ABCC1: variants seen among roughly 807,000 people sequenced by gnomAD.
ABCC1 encodes ATP binding cassette subfamily C member 1 (ABCC1 blood group).
ABCC1 carries 83 observed loss-of-function variants against 172.9 expected under a neutral mutation model. The observed-to-expected ratio is 0.48, with a 90% confidence interval of 0.40 to 0.58. The LOEUF (loss-of-function observed/expected upper bound fraction) is 0.58, where lower values mean the gene tolerates loss of function less well. ABCC1 is among the 20% of genes least tolerant of loss of function. The pLI is 0.00. For missense variants in ABCC1, 1,817 were observed against 2,002.7 expected, an observed-to-expected ratio of 0.91 and a Z score of 1.77; for synonymous variants, 937 against 825.2, an observed-to-expected ratio of 1.14 and a Z score of -2.32.
chr16:16,051,346 T>C (rs2049420907), intron 10 of ABCC1, among the ~76,000 whole-genome samples: 1 of 151,972 alleles, frequency 6.6e-6, no homozygotes, highest in Non-Finnish European at 1.5e-5. Flanking sequence ...AAGTTATTTA[T>C]TTTTTTGTAG....
At chr16:16,002,375 A>G (rs989317804) in intron 1 of ABCC1, among the ~76,000 whole-genome samples, 1 of 152,198 alleles carries the variant, frequency 6.6e-6, no homozygotes, top group Non-Finnish European at 1.5e-5. Context: ...AGAGAGAGGA[A>G]CTGAGGGGAG....
intron 1 of ABCC1, among the ~76,000 whole-genome samples, chr16:16,004,947 G>T (rs1232790448): frequency 6.6e-6 from 1 of 152,014 alleles, no homozygotes; most frequent in African/African-American, 2.4e-5. Context: ...TTACAGGCAT[G>T]AGCCACCGCG....
chr16:16,032,538 G>A (rs2048594057), intron 5 of ABCC1, among the ~76,000 whole-genome samples: 1 of 152,120 alleles, frequency 6.6e-6, no homozygotes, highest in Admixed American at 6.6e-5. Context: ...ATGAACGAAT[G>A]AATGAAGTGG....
chr16:16,092,120 C>T (rs533247869), intron 19 of ABCC1, among the ~76,000 whole-genome samples: 2 of 152,330 alleles, frequency 1.3e-5, no homozygotes, highest in African/African-American at 4.8e-5. Flanking sequence ...CGCCTATAGG[C>T]CCAGCTACTG....
Position 16,074,467 on chromosome 16 carries a change from G to T in ABCC1, c.1913-1859G>T, listed in dbSNP as rs144728985. 2.1e-3 allele frequency among the ~76,000 whole-genome samples: 324 copies of T among 152,268 alleles called. 3 individuals carry two copies. The highest frequency in any genetic ancestry group is 6.8e-3 in the Middle Eastern group (2 of 294). On this transcript the variant is annotated intron_variant, in intron 14 of 30. Transcript: ENST00000399410. ...AAATTTGAGGTGGCCGGCGGTGGGT[G>T]GGGGGTGGTTTCTTGGTACTGAAGT...
chr16:16,111,310 G>GTGGGGC (rs4148372), intron 21 of ABCC1, 65 bp from the exon 22 acceptor site: 651,732 of 1,278,236 alleles, frequency 0.51, 172,141 homozygotes, highest in South Asian at 0.59. Flanking sequence ...CCCCGACCTT[G>GTGGGGC]TGGGGCTGGG....
At chr16:16,016,156 T>TG (rs2047986668) in intron 4 of ABCC1, among the ~76,000 whole-genome samples, 1 of 143,980 alleles carries the variant, frequency 6.9e-6, no homozygotes, top group Non-Finnish European at 1.5e-5. Flanking sequence ...TTGGTTTTTT[T>TG]TTTTTTTTTT....
rs79212421 is a variant in ABCC1, at chr16:15,989,418, G to C, written c.49-18398G>C. 2.2e-3 allele frequency among the ~76,000 whole-genome samples: 339 copies of C among 152,296 alleles called. 2 individuals are homozygous for C. Among genetic ancestry groups the C allele is most frequent in the African/African-American group, 6.7e-3 (278 of 41,562 alleles). ...GCTGGGAGACTTTAGCCTTTCTCCA[G>C]ATGTTTTCAGGAGTGCGGTGGGGAA... On this transcript the variant is annotated intron_variant, in intron 1 of 30. Transcript: ENST00000399410.
chr16:16,033,491 T>C (rs960026729), intron 6 of ABCC1, among the ~76,000 whole-genome samples: 3 of 152,196 alleles, frequency 2.0e-5, no homozygotes, highest in African/African-American at 7.2e-5. Flanking sequence ...GGTATAGTTA[T>C]TATTGACATT....
intron 26 of ABCC1, among the ~76,000 whole-genome samples, chr16:16,129,895 C>G (rs142227304): frequency 2.6e-5 from 4 of 152,156 alleles, no homozygotes; most frequent in African/African-American, 9.7e-5. Flanking sequence ...AAAAGTTGCC[C>G]GGCGTTTTCT....
chr16:16,033,593 C>T (rs1259024373), intron 6 of ABCC1, among the ~76,000 whole-genome samples: 1 of 152,114 alleles, frequency 6.6e-6, no homozygotes, highest in African/African-American at 2.4e-5. Context: ...ATCAGCAGTG[C>T]AGGAGACATC....
chr16:16,116,622 A>G (rs985666440), intron 23 of ABCC1, among the ~76,000 whole-genome samples: 1 of 151,352 alleles, frequency 6.6e-6, no homozygotes, highest in African/African-American at 2.4e-5. Flanking sequence ...GAGTGCAGTG[A>G]TGGAATCTCG....
At chr16:15,977,357 A>G (rs1278218953) in intron 1 of ABCC1, among the ~76,000 whole-genome samples, 1 of 152,056 alleles carries the variant, frequency 6.6e-6, no homozygotes, top group Non-Finnish European at 1.5e-5. Flanking sequence ...TCCCAGCTGT[A>G]TTGGCCATCT....
At chr16:16,020,573 T>C (rs1022750822) in intron 5 of ABCC1, among the ~76,000 whole-genome samples, 6 of 152,190 alleles carry the variant, frequency 3.9e-5, no homozygotes, top group Admixed American at 6.5e-5. Context: ...GTGTAGTTGC[T>C]ACAGAGACTG....
intron 7 of ABCC1, among the ~76,000 whole-genome samples, chr16:16,037,389 G>A (rs1047428406): frequency 5.9e-5 from 9 of 152,144 alleles, no homozygotes; most frequent in Non-Finnish European, 1.0e-4. Context: ...GTCACTCTTC[G>A]GGAATCAGGC....
intron 20 of ABCC1, among the ~76,000 whole-genome samples, chr16:16,103,011 G>T (rs193173827): frequency 2.6e-5 from 4 of 152,140 alleles, no homozygotes; most frequent in African/African-American, 9.7e-5. Flanking sequence ...AGGTCTCTTG[G>T]CGGGGCCTGG....
chr16:16,074,271 A>G (rs1190294236), intron 14 of ABCC1, among the ~76,000 whole-genome samples: 3 of 152,148 alleles, frequency 2.0e-5, no homozygotes, highest in Non-Finnish European at 4.4e-5. Flanking sequence ...TGAGGGACAC[A>G]GTTACCTCCA....
chr16:16,130,287 C>G (rs1435436138), intron 26 of ABCC1, among the ~76,000 whole-genome samples: 1 of 152,070 alleles, frequency 6.6e-6, no homozygotes, highest in Non-Finnish European at 1.5e-5. Flanking sequence ...TCGTGTCTGT[C>G]CAGAGAAGAC....
At chr16:15,955,497 G>T (rs1329862761) in intron 1 of ABCC1, among the ~76,000 whole-genome samples, 2 of 152,154 alleles carry the variant, frequency 1.3e-5, no homozygotes, top group Non-Finnish European at 2.9e-5. Context: ...GGCTTACAGT[G>T]GCCTCGAAGG....
Sources: gnomAD v4.1 joint callset for allele counts (sites outside exome capture counted in the v4.1 genomes callset) on GRCh38, gnomAD v4.1.1 for gene constraint, MANE v1.5 for transcripts, NCBI Gene and HGNC (gene_info 2026-07-23, HGNC 2026-07-21) for gene names.